MYL2: variants seen among roughly 807,000 people sequenced by gnomAD.
MYL2 encodes the protein myosin regulatory light chain 2, ventricular/cardiac muscle isoform.
Under a neutral mutation model 23.0 loss-of-function variants are expected in MYL2, and 19 were observed. That is an observed-to-expected ratio of 0.83 (90% CI 0.58 to 1.21). The LOEUF is 1.21. Ranked by LOEUF, MYL2 falls within the 50% of genes most tolerant of loss-of-function variation. The pLI, the probability that MYL2 is intolerant of heterozygous loss-of-function variation, is 0.00. For missense variants in MYL2, 180 were observed against 215.1 expected (o/e 0.84, Z 1.02); for synonymous variants, 78 against 76.2 (o/e 1.02, Z -0.13).
rs187600820 is a variant in MYL2, at chr12:110,911,017, G to T, written c.*60C>A. The T allele has an allele frequency of 2.1e-6, 3 of 1,425,508 alleles. No individual in the cohort carries two copies. The African/African-American group carries it at 4.2e-5, about 20-fold the overall frequency. The allele number at this position is 1,425,508 out of a possible 1,614,324, so 88.3% of individuals were successfully genotyped here. A position where few individuals can be genotyped will look rare whatever the true frequency, so the allele number is the denominator to read the frequency against. On this transcript the variant is annotated 3_prime_UTR_variant, in exon 7 of 7. Transcript: ENST00000228841. ...GGACAGAGGCGGTACTCGGGGGAGA[G>T]AGATGAGGGCAGGGACCACTCTGCA...
chr12:110,918,404 C>G lies in MYL2; in HGVS notation c.93+700G>C, dbSNP rs1190570418. Among the ~76,000 whole-genome samples the G allele has an allele frequency of 6.6e-6, 1 of 151,952 alleles. No individual in the cohort carries two copies. Among genetic ancestry groups the G allele is most frequent in the Non-Finnish European group, 1.5e-5 (1 of 68,000 alleles). ...AAAAAAAAATTGTGACTATTAATAC[C>G]CAGCGTTGATGGAAATGTGGGGAAA... On this transcript the variant is annotated intron_variant, in intron 2 of 6. Transcript: ENST00000228841. This position sits in a 1 kb window ranked among gnomAD's most constrained non-coding sequence, Gnocchi z 4.4.
At chr12:110,913,961 T>C (rs2071671630) in intron 4 of MYL2, among the ~76,000 whole-genome samples, 1 of 152,148 alleles carries the variant, frequency 6.6e-6, no homozygotes, top group Non-Finnish European at 1.5e-5. Context: ...TTCACCATGT[T>C]GGCCAGGTTG....
rs777689913 is a variant in MYL2, at chr12:110,911,148, G to A, written c.430C>T (p.Pro144Ser). ...TAGTCCAAGTTGCCAGTCACGTCAG[G>A]GGGGAAGGCGGCGAACATCTGGTCA... Reference protein sequence around the residue: ...EVDQMFAAFPPDVTGNLDYKN... With the variant: ...EVDQMFAAFPSDVTGNLDYKN... The change falls in exon 7 of 7, where the codon CCT becomes TCT. Residue 144 changes from proline (P) to serine (S), a missense_variant. Pro to Ser is a moderately conservative substitution (Grantham distance 74). Coordinates refer to ENST00000228841, the MANE Select transcript of MYL2 (RefSeq NM_000432.4). 7 of 1,613,842 alleles carry A rather than the reference G, an allele frequency of 4.3e-6. No homozygotes were observed. Among genetic ancestry groups the A allele is most frequent in the Admixed American group, 1.7e-5 (1 of 59,998 alleles).
At chr12:110,912,669 C>T (rs981344764) in intron 6 of MYL2, among the ~76,000 whole-genome samples, 7 of 152,210 alleles carry the variant, frequency 4.6e-5, no homozygotes, top group Non-Finnish European at 8.8e-5. Context: ...AAGCGATTCT[C>T]GTGCCATGCG....
chr12:110,915,167 G>A lies in MYL2; in HGVS notation c.169+548C>T, dbSNP rs575646166. Among the ~76,000 whole-genome samples the A allele has an allele frequency of 2.6e-5, 4 of 152,358 alleles. No individual in the cohort carries two copies. The East Asian group carries it at 5.8e-4, about 22-fold the overall frequency. On this transcript the variant is annotated intron_variant, in intron 3 of 6. Coordinates refer to ENST00000228841, the MANE Select transcript of MYL2 (RefSeq NM_000432.4). The stretch of plus-strand genomic sequence containing the variant: ...AATTGTGCAGTGCGCAGTCTGCACA[G>A]CTGTGTATGGTTGCCCTGAGTTCTA...
In MYL2 at chr12:110,914,186, C is replaced by T. The variant is rs1358384301; in HGVS notation, c.274G>A (p.Gly92Arg). The stretch of plus-strand genomic sequence containing the variant: ...CACACACACACACACACGACCTTAC[C>T]CTTAAGTTTCTCCCCAAACATTGTG... ...FLTMFGEKLK[G>R]ADPEETILNA... is the part of the protein sequence containing the mutation. The change falls in exon 4 of 7, where the codon GGA (glycine) becomes AGA (arginine). Residue 92 changes from glycine (G) to arginine (R), a missense_variant and splice_region_variant. Transcript: ENST00000228841. 6.2e-7 allele frequency: 1 copy of T among 1,610,130 alleles called. No individual in the cohort carries two copies. Among genetic ancestry groups the T allele is most frequent in the African/African-American group, 1.3e-5 (1 of 74,838 alleles).
Position 110,911,010 on chromosome 12 carries a change from G to C in MYL2, c.*67C>G. ...AAGGTAGGGACAGAGGCGGTACTCGGGGGAGAGAGATGAGGGCAGGGACCA... is the reference window on the plus strand; with the variant it reads ...AAGGTAGGGACAGAGGCGGTACTCGCGGGAGAGAGATGAGGGCAGGGACCA... On this transcript the variant is annotated 3_prime_UTR_variant, in exon 7 of 7. Transcript: ENST00000228841. 2.2e-6 allele frequency: 3 copies of C among 1,376,958 alleles called. No homozygotes were observed. Among genetic ancestry groups the C allele is most frequent in the South Asian group, 1.2e-5 (1 of 86,314 alleles). The allele number at this position is 1,376,958 out of a possible 1,614,324, so 85.3% of individuals were successfully genotyped here.
In MYL2 at chr12:110,911,053, C is replaced by A; in HGVS notation, c.*24G>T. On this transcript the variant is annotated 3_prime_UTR_variant, in exon 7 of 7. Coordinates refer to ENST00000228841, the MANE Select transcript of MYL2 (RefSeq NM_000432.4). ...AGGGACCACTCTGCAAAGACGAGCC[C>A]AGGGCGCAGCAGCGAGCCCCCTCCT... 6.2e-7 allele frequency: 1 copy of A among 1,600,390 alleles called. No homozygotes were observed. The highest frequency in any genetic ancestry group is 2.2e-5 in the East Asian group (1 of 44,802).
chr12:110,911,390 G>A (rs1177687940), intron 6 of MYL2, among the ~76,000 whole-genome samples: 1 of 152,140 alleles, frequency 6.6e-6, no homozygotes, highest in Non-Finnish European at 1.5e-5. Context: ...CACAGCCAGC[G>A]GATGGGATTG....
In MYL2 at chr12:110,919,195, TG is replaced by T. The variant is rs886048961; in HGVS notation, c.4-3del. The T allele has an allele frequency of 1.2e-6, 2 of 1,612,738 alleles. No homozygotes were observed. The highest frequency in any genetic ancestry group is 1.8e-4 in the Middle Eastern group (1 of 5,486). ...TCTCTTCTTTGCTTTCTTAGGTGCC[TG>T]GGGGAAAAAAGCATCGATTAAAAGA... On this transcript the variant is annotated splice_polypyrimidine_tract_variant and splice_region_variant and intron_variant, in intron 1 of 6. Coordinates refer to ENST00000228841, the MANE Select transcript of MYL2 (RefSeq NM_000432.4).
intron 2 of MYL2, among the ~76,000 whole-genome samples, chr12:110,916,013 A>C (rs189220645): frequency 1.8e-4 from 28 of 152,332 alleles, no homozygotes; most frequent in Admixed American, 9.2e-4. Context: ...ATATATACCC[A>C]AGAGAATTGA....
chr12:110,913,443 G>A, intron 4 of MYL2, 119 bp from the exon 5 acceptor site: 1 of 995,176 alleles, frequency 1.0e-6, no homozygotes, highest in Non-Finnish European at 1.6e-6. Flanking sequence ...GCTTTGCATG[G>A]AGGAAAAAGA....
At chr12:110,914,456 G>T in intron 3 of MYL2, 166 bp from the exon 4 acceptor site, 60 of 595,648 alleles carry the variant, frequency 1.0e-4, no homozygotes, top group Middle Eastern at 4.4e-4. Context: ...TCTTGACAGT[G>T]TTATTTATAA....
chr12:110,920,026 T>C (rs988696135), intron 1 of MYL2, among the ~76,000 whole-genome samples: 4 of 152,170 alleles, frequency 2.6e-5, no homozygotes, highest in Non-Finnish European at 5.9e-5. Context: ...GCATTCTGAC[T>C]CCAGAGTTCC....
chr12:110,913,038 C>A (rs1193877361), intron 6 of MYL2, 58 bp downstream of exon 6: 5 of 1,583,632 alleles, frequency 3.2e-6, no homozygotes, highest in African/African-American at 2.7e-5. Context: ...GAGACGGAGC[C>A]CCCCAGAAGG....
rs1008777465 is a variant in MYL2, at chr12:110,910,901, T to A, written c.*176A>T. 1 of 653,978 alleles carries A rather than the reference T, an allele frequency of 1.5e-6. No individual in the cohort carries two copies. The highest frequency in any genetic ancestry group is 2.2e-5 in the Admixed American group (1 of 45,832). The allele number at this position is 653,978 out of a possible 1,614,324, so 40.5% of individuals were successfully genotyped here. On this transcript the variant is annotated 3_prime_UTR_variant, in exon 7 of 7. Transcript: ENST00000228841. ...TCTGGATGGATTTCCAACTGTAGGA[T>A]GTGCGGCCACGAAGTACCCATAGCC...
rs373241541 is a variant in MYL2 at position 110,913,331 on chromosome 12, C to T, written c.275-7G>A. 66 of 1,614,074 alleles carry T rather than the reference C, an allele frequency of 4.1e-5. No individual in the cohort carries two copies. In the Admixed American group the frequency reaches 9.8e-4, roughly 24 times the overall value. On this transcript the variant is annotated splice_polypyrimidine_tract_variant and splice_region_variant and intron_variant, in intron 4 of 6. Coordinates refer to ENST00000228841, the MANE Select transcript of MYL2 (RefSeq NM_000432.4). ...GTTTCCTCAGGGTCCGCTCCTGAAA[C>T]GGAACACAGGGCTTACATGTACTGG...
rs933908830 is a variant in MYL2 at position 110,914,277 on chromosome 12, C to T, written c.183G>A (p.Val61=). Residue 61 remains valine, a synonymous_variant, in exon 4 of 7, where the codon GTG becomes GTA. Transcript: ENST00000228841. ...DTFAALGRVN[V]KNEEIDEMIK... ...TCATTTCATCAATTTCTTCATTTTT[C>T]ACGTTCACTCGCCCTAGGGTAGGAA... 1 of 1,613,904 alleles carries T rather than the reference C, an allele frequency of 6.2e-7. No individual in the cohort carries two copies. The highest frequency in any genetic ancestry group is 1.3e-5 in the African/African-American group (1 of 74,990).
chr12:110,919,006 C>G (rs1156381007), intron 2 of MYL2, 98 bp downstream of exon 2: 3 of 1,106,996 alleles, frequency 2.7e-6, no homozygotes, highest in Non-Finnish European at 4.1e-6. Context: ...ATAGAGGCAT[C>G]TAATGAAAGG....
Sources: gnomAD v4.1 joint callset for allele counts (sites outside exome capture counted in the v4.1 genomes callset) on GRCh38, gnomAD v4.1.1 for gene constraint, Gnocchi (gnomAD v3.1) non-coding constraint, MANE v1.5 for transcripts, NCBI Gene and HGNC (gene_info 2026-07-23, HGNC 2026-07-21) for gene names.